The following PLEKHM3 variants were observed in gnomAD, a reference collection of about 807,000 sequenced individuals.
PLEKHM3 encodes pleckstrin homology domain-containing family M member 3.
In PLEKHM3, 45 loss-of-function variants were observed where a neutral mutation model predicts 81.8. That is an observed-to-expected ratio of 0.55 (90% CI 0.43 to 0.71). The LOEUF is 0.71. PLEKHM3 is among the 30% of genes least tolerant of loss of function. The pLI, the probability that PLEKHM3 is intolerant of heterozygous loss-of-function variation, is 0.00. For missense variants in PLEKHM3, 788 were observed against 924.3 expected, an observed-to-expected ratio of 0.85 and a Z score of 1.91; for synonymous variants, 352 against 356.4, an observed-to-expected ratio of 0.99 and a Z score of 0.14.
At chr2:207,834,859 C>T (rs1003229704) in intron 7 of PLEKHM3, among the ~76,000 whole-genome samples, 2 of 152,070 alleles carry the variant, frequency 1.3e-5, no homozygotes, top group African/African-American at 2.4e-5. Context: ...GGCCATCTAA[C>T]AAAGCAAAGC....
chr2:207,993,135 C>A (rs1222544596), intron 2 of PLEKHM3, among the ~76,000 whole-genome samples: 1 of 151,966 alleles, frequency 6.6e-6, no homozygotes, highest in Admixed American at 6.6e-5. Context: ...ATTAATAGGA[C>A]AACCAGGAAA....
intron 5 of PLEKHM3, among the ~76,000 whole-genome samples, chr2:207,917,418 G>C (rs1689026986): frequency 6.6e-6 from 1 of 152,196 alleles, no homozygotes. Context: ...TGCTAAAATA[G>C]ACTTATTCTT....
At chr2:207,922,285 G>C (rs1023570978) in intron 5 of PLEKHM3, among the ~76,000 whole-genome samples, 3 of 152,062 alleles carry the variant, frequency 2.0e-5, no homozygotes, top group Admixed American at 2.0e-4. Flanking sequence ...TATCTAAAAG[G>C]GCTGCTGTAA....
chr2:207,946,963 T>C (rs1690153584), intron 3 of PLEKHM3, among the ~76,000 whole-genome samples: 1 of 152,242 alleles, frequency 6.6e-6, no homozygotes, highest in African/African-American at 2.4e-5. Context: ...TCTAAGATTT[T>C]TATGAGGTTA....
chr2:207,935,070 C>T (rs1431885555), intron 4 of PLEKHM3, among the ~76,000 whole-genome samples: 1 of 152,006 alleles, frequency 6.6e-6, no homozygotes, highest in Non-Finnish European at 1.5e-5. Context: ...GAATAAAACA[C>T]GAATAAGAAG....
intron 6 of PLEKHM3, among the ~76,000 whole-genome samples, chr2:207,891,066 T>C (rs918396738): frequency 6.6e-6 from 1 of 152,164 alleles, no homozygotes; most frequent in Admixed American, 6.5e-5. Flanking sequence ...TAAAAAAGAT[T>C]AGTAGTGGTG....
In PLEKHM3 at chr2:207,931,075, C is replaced by T; in HGVS notation, c.1737G>A (p.Glu579=). 6.2e-7 allele frequency: 1 copy of T among 1,614,030 alleles called. No homozygotes were observed. Among genetic ancestry groups the T allele is most frequent in the Non-Finnish European group, 8.5e-7 (1 of 1,179,904 alleles). Residue 579 remains glutamate (E), a synonymous_variant, in exon 5 of 8, where the codon GAG becomes GAA. Coordinates refer to ENST00000427836, the MANE Select transcript of PLEKHM3 (RefSeq NM_001080475.3). ...TCTCCTGCTGGATGTCGATGAGCGG[C>T]TCTTCGTACACGTACTCCAGAAACT... ...AKEFLEYVYE[E]PLIDIQQENA... is the part of the protein sequence containing the mutation.
chr2:207,903,146 C>T (rs972622733), intron 6 of PLEKHM3, among the ~76,000 whole-genome samples: 5 of 152,152 alleles, frequency 3.3e-5, no homozygotes, highest in Non-Finnish European at 1.5e-5. Context: ...TCCCCGCCCC[C>T]AATACCATGC....
At chr2:207,962,446 T>G (rs1690767691) in intron 3 of PLEKHM3, among the ~76,000 whole-genome samples, 1 of 152,244 alleles carries the variant, frequency 6.6e-6, no homozygotes, top group Non-Finnish European at 1.5e-5. Context: ...TCTCTTCATT[T>G]GGCTGTTCCT....
chr2:207,970,342 G>T (rs1226614102), intron 3 of PLEKHM3, among the ~76,000 whole-genome samples: 1 of 150,952 alleles, frequency 6.6e-6, no homozygotes, highest in South Asian at 2.1e-4. Context: ...CCCCACCCCA[G>T]GTCCTAACAA....
chr2:207,834,471 G>A (rs2105882537), intron 7 of PLEKHM3, among the ~76,000 whole-genome samples: 1 of 142,500 alleles, frequency 7.0e-6, no homozygotes, highest in Admixed American at 7.3e-5. Flanking sequence ...TGCTCTTGAG[G>A]CTGGAGTACA....
chr2:207,974,504 C>G (rs2106025399), intron 3 of PLEKHM3, among the ~76,000 whole-genome samples: 1 of 152,286 alleles, frequency 6.6e-6, no homozygotes, highest in South Asian at 2.1e-4. Flanking sequence ...TCAGCTACTC[C>G]AATCTCCACA....
intron 5 of PLEKHM3, among the ~76,000 whole-genome samples, chr2:207,919,152 A>G (rs1689099628): frequency 6.6e-6 from 1 of 152,168 alleles, no homozygotes; most frequent in Non-Finnish European, 1.5e-5. Context: ...AAAAAAAAGA[A>G]AAAAAGAGAA....
At chr2:207,891,079 G>A (rs564013318) in intron 6 of PLEKHM3, among the ~76,000 whole-genome samples, 5 of 152,264 alleles carry the variant, frequency 3.3e-5, no homozygotes, top group Non-Finnish European at 7.3e-5. Context: ...TAGTGGTGGT[G>A]GATGTGAAAT....
chr2:207,936,051 T>C (rs1369680511), intron 4 of PLEKHM3, among the ~76,000 whole-genome samples: 1 of 152,242 alleles, frequency 6.6e-6, no homozygotes, highest in Non-Finnish European at 1.5e-5. Context: ...GGCATGATCA[T>C]AGTTCACTGT....
At chr2:207,863,228 A>T (rs781528733) in intron 6 of PLEKHM3, among the ~76,000 whole-genome samples, 1 of 152,220 alleles carries the variant, frequency 6.6e-6, no homozygotes, top group Non-Finnish European at 1.5e-5. Context: ...ATGAGTGGAA[A>T]ATGAACCTCT....
intron 5 of PLEKHM3, among the ~76,000 whole-genome samples, chr2:207,923,643 T>C (rs137887759): frequency 2.0e-4 from 31 of 151,226 alleles, no homozygotes; most frequent in African/African-American, 6.8e-4. Flanking sequence ...AAGAAAATTA[T>C]TGAAATAAGG....
intron 7 of PLEKHM3, among the ~76,000 whole-genome samples, chr2:207,831,359 TA>T (rs1267816844): frequency 1.3e-5 from 2 of 152,196 alleles, no homozygotes; most frequent in African/African-American, 4.8e-5. Flanking sequence ...CCAAGGCTCT[TA>T]CCGAGCACCA....
At position 208,011,280 on chromosome 2, in the gene PLEKHM3, C is replaced by CT. The variant is rs1242617701; in HGVS notation, c.-318-9324dup. Reference sequence around the variant, plus strand: ...AAGAAGTCATTATACGAAAAAGACACTTGCACATGCATGTTTATCGTAGCA... The same window carrying CT: ...AAGAAGTCATTATACGAAAAAGACACTTTGCACATGCATGTTTATCGTAGCA... On this transcript the variant is annotated intron_variant, in intron 1 of 7. Coordinates refer to ENST00000427836, the MANE Select transcript of PLEKHM3 (RefSeq NM_001080475.3). Among the ~76,000 whole-genome samples the CT allele has an allele frequency of 1.5e-4, 23 of 152,246 alleles. No homozygotes were observed. In the East Asian group the frequency reaches 3.1e-3, roughly 20 times the overall value.
Sources: gnomAD v4.1 joint callset for allele counts (sites outside exome capture counted in the v4.1 genomes callset) on GRCh38, gnomAD v4.1.1 for gene constraint, MANE v1.5 for transcripts, NCBI Gene and HGNC (gene_info 2026-07-23, HGNC 2026-07-21) for gene names.